BRINP3: variants seen among roughly 807,000 people sequenced by gnomAD.
BRINP3 encodes the protein BMP/retinoic acid inducible neural specific 3.
BRINP3 carries 19 observed loss-of-function variants against 71.0 expected under a neutral mutation model. The ratio of observed to expected loss-of-function variants is 0.27; its 90% CI spans 0.19 to 0.39. The LOEUF (loss-of-function observed/expected upper bound fraction) is 0.39. Among genes scored for constraint, BRINP3 ranks in the 10% least tolerant of loss-of-function variants. The pLI is 1.00. For synonymous variants in BRINP3, 380 were observed against 337.7 expected (o/e 1.13, Z -1.37); for missense variants, 959 against 940.8 (o/e 1.02, Z -0.25).
At chr1:190,116,186 C>A (rs2102300221) in intron 7 of BRINP3, among the ~76,000 whole-genome samples, 1 of 152,138 alleles carries the variant, frequency 6.6e-6, no homozygotes, top group Middle Eastern at 3.4e-3. Context: ...AATTTCTCCT[C>A]AAAATAAATG....
At chr1:190,461,669 G>A (rs1380392009) in intron 1 of BRINP3, among the ~76,000 whole-genome samples, 2 of 152,138 alleles carry the variant, frequency 1.3e-5, no homozygotes, top group Non-Finnish European at 2.9e-5. Flanking sequence ...AAATTAGGGT[G>A]CAACTGCAAC....
intron 2 of BRINP3, among the ~76,000 whole-genome samples, chr1:190,336,103 C>A (rs1333684695): frequency 6.6e-6 from 1 of 151,926 alleles, no homozygotes; most frequent in South Asian, 2.1e-4. Flanking sequence ...GAAATGGTTA[C>A]AATAAGTCAG....
At chr1:190,138,212 C>T (rs1655137344) in intron 7 of BRINP3, among the ~76,000 whole-genome samples, 1 of 152,044 alleles carries the variant, frequency 6.6e-6, no homozygotes, top group Non-Finnish European at 1.5e-5. Context: ...CCTTGGCCTC[C>T]CAAAGTGCTG....
intron 2 of BRINP3, among the ~76,000 whole-genome samples, chr1:190,444,713 T>C (rs977108054): frequency 1.3e-5 from 2 of 152,022 alleles, no homozygotes; most frequent in Non-Finnish European, 2.9e-5. Flanking sequence ...TTTATCTATT[T>C]GTAGCAGAGA....
At chr1:190,199,758 T>C (rs961297770) in intron 6 of BRINP3, among the ~76,000 whole-genome samples, 2 of 142,210 alleles carry the variant, frequency 1.4e-5, no homozygotes, top group African/African-American at 5.4e-5. Context: ...CTGCTATTCT[T>C]GTCAAGGCAT....
chr1:190,366,075 T>C (rs1389506094), intron 2 of BRINP3, among the ~76,000 whole-genome samples: 1 of 151,722 alleles, frequency 6.6e-6, no homozygotes, highest in Non-Finnish European at 1.5e-5. Flanking sequence ...AAAGGTAAGA[T>C]GAGAAAGGAT....
intron 2 of BRINP3, among the ~76,000 whole-genome samples, chr1:190,295,857 TC>T (rs1212235576): frequency 1.3e-5 from 2 of 152,144 alleles, no homozygotes; most frequent in Admixed American, 1.3e-4. Flanking sequence ...TACTGTCCTT[TC>T]TAAAGTCTTC....
intron 6 of BRINP3, among the ~76,000 whole-genome samples, chr1:190,205,855 C>T (rs1056691621): frequency 1.3e-4 from 19 of 151,954 alleles, no homozygotes; most frequent in African/African-American, 4.6e-4. Context: ...AATAGAGGTA[C>T]CATGGGCCTC....
At chr1:190,278,862 C>CAA (rs138503043) in intron 3 of BRINP3, among the ~76,000 whole-genome samples, 1 of 142,510 alleles carries the variant, frequency 7.0e-6, no homozygotes, top group Non-Finnish European at 1.5e-5. Flanking sequence ...ATGGTGTATA[C>CAA]AAAAAAAAAA....
At position 190,281,691 on chromosome 1, in the gene BRINP3, G is replaced by A; in HGVS notation, c.296C>T (p.Ser99Phe). 6.2e-7 allele frequency: 1 copy of A among 1,612,808 alleles called. No individual in the cohort carries two copies. ...GAATTCAGGGGCAAGAGGCAGAGGA[G>A]AGCCAAGGAAATTTCTTCTCTCAAC... Reference protein sequence around the residue: ...LAVERRNFLGSPLPLAPEFFR... With the variant: ...LAVERRNFLGFPLPLAPEFFR... Residue 99 changes from serine (S) to phenylalanine (F), a missense_variant, in exon 3 of 8, where the codon TCT (serine) becomes TTT (phenylalanine). Coordinates refer to ENST00000367462, the MANE Select transcript of BRINP3 (RefSeq NM_199051.3).
chr1:190,167,454 A>G (rs1651656328), intron 6 of BRINP3, among the ~76,000 whole-genome samples: 1 of 152,114 alleles, frequency 6.6e-6, no homozygotes. Flanking sequence ...TGAAAAATTC[A>G]AAGACTGTGG....
chr1:190,223,664 A>G (rs772489506), intron 6 of BRINP3, among the ~76,000 whole-genome samples: 11 of 151,920 alleles, frequency 7.2e-5, no homozygotes, highest in Non-Finnish European at 1.3e-4. Context: ...TGACATGGAA[A>G]GTCCTCTCCA....
At chr1:190,412,393 TA>T (rs1672725986) in intron 2 of BRINP3, among the ~76,000 whole-genome samples, 4 of 68,960 alleles carry the variant, frequency 5.8e-5, no homozygotes, top group Non-Finnish European at 9.5e-5. Flanking sequence ...GATATATATA[TA>T]TTATATATAT....
chr1:190,122,580 TG>T (rs982026704), intron 7 of BRINP3, among the ~76,000 whole-genome samples: 5 of 7,440 alleles, frequency 6.7e-4, no homozygotes, highest in Non-Finnish European at 1.3e-3. Context: ...TAAAGTGGGG[TG>T]GGGGTGGGGG....
At chr1:190,335,609 GT>G (rs1302521969) in intron 2 of BRINP3, among the ~76,000 whole-genome samples, 1 of 151,600 alleles carries the variant, frequency 6.6e-6, no homozygotes, top group Non-Finnish European at 1.5e-5. Flanking sequence ...CCAAATGGAT[GT>G]TCAGACATTT....
At chr1:190,259,721 C>T (rs1197110965) in intron 4 of BRINP3, among the ~76,000 whole-genome samples, 1 of 151,734 alleles carries the variant, frequency 6.6e-6, no homozygotes, top group Non-Finnish European at 1.5e-5. Context: ...TTGCAGATAA[C>T]ATTATCTAAT....
chr1:190,355,117 T>TTA (rs1221682549), intron 2 of BRINP3, among the ~76,000 whole-genome samples: 1 of 151,932 alleles, frequency 6.6e-6, no homozygotes, highest in Non-Finnish European at 1.5e-5. Flanking sequence ...CCAGCCATTA[T>TTA]TATAGAAACA....
intron 7 of BRINP3, 131 bp downstream of exon 7, chr1:190,160,537 T>C: frequency 1.5e-6 from 1 of 680,496 alleles, no homozygotes; most frequent in South Asian, 2.5e-5. Flanking sequence ...CAATATATTG[T>C]TTTCAAATTA....
At chr1:190,176,436 G>A (rs1652513750) in intron 6 of BRINP3, among the ~76,000 whole-genome samples, 1 of 152,112 alleles carries the variant, frequency 6.6e-6, no homozygotes, top group Non-Finnish European at 1.5e-5. Context: ...CCTTTGTAAA[G>A]GACACAAATG....
Sources: gnomAD v4.1 joint callset for allele counts (sites outside exome capture counted in the v4.1 genomes callset) on GRCh38, gnomAD v4.1.1 for gene constraint, MANE v1.5 for transcripts, NCBI Gene and HGNC (gene_info 2026-07-23, HGNC 2026-07-21) for gene names.